PRKCH: variants seen among roughly 807,000 people sequenced by gnomAD.
PRKCH encodes protein kinase C eta type.
PRKCH carries 28 observed loss-of-function variants against 82.5 expected under a neutral mutation model. The ratio of observed to expected loss-of-function variants is 0.34; its 90% CI spans 0.25 to 0.47. PRKCH has a LOEUF of 0.47. Ranked by LOEUF, PRKCH falls within the 20% of genes least tolerant of loss-of-function variation. The pLI is 1.00. For missense variants in PRKCH, 705 were observed against 881.8 expected (o/e 0.80, Z 2.54); for synonymous variants, 322 against 327.4 (o/e 0.98, Z 0.18).
At chr14:61,502,297 G>A (rs964649757) in intron 10 of PRKCH, among the ~76,000 whole-genome samples, 2 of 151,954 alleles carry the variant, frequency 1.3e-5, no homozygotes, top group Middle Eastern at 3.4e-3. Flanking sequence ...TCCTGACCTC[G>A]TGATCCGCAC....
chr14:61,372,579 T>C (rs1194060891), intron 1 of PRKCH, among the ~76,000 whole-genome samples: 1 of 152,092 alleles, frequency 6.6e-6, no homozygotes, highest in African/African-American at 2.4e-5. Flanking sequence ...AAGAACTTTA[T>C]TGGCTAGAGT....
intron 6 of PRKCH, among the ~76,000 whole-genome samples, chr14:61,452,385 A>G (rs947156493): frequency 2.6e-5 from 4 of 152,094 alleles, no homozygotes; most frequent in African/African-American, 7.3e-5. Context: ...GTGTGCTTCC[A>G]AGATGGACTG....
chr14:61,249,953 T>C (rs1446713561), intron 1 of PRKCH, among the ~76,000 whole-genome samples: 1 of 151,072 alleles, frequency 6.6e-6, no homozygotes, highest in Admixed American at 6.6e-5. Context: ...TATTGAAAAC[T>C]TATGTCCACA....
chr14:61,536,317 G>C (rs920961931), intron 12 of PRKCH, among the ~76,000 whole-genome samples: 7 of 152,180 alleles, frequency 4.6e-5, no homozygotes, highest in African/African-American at 1.7e-4. Context: ...CCCCAAAGAA[G>C]CATTTTTAAC....
In PRKCH at chr14:61,282,323, T is replaced by C. The variant is rs1432396590; in HGVS notation, c.-19+94655T>C. 5.3e-5 allele frequency among the ~76,000 whole-genome samples: 8 copies of C among 152,004 alleles called. No homozygotes were observed. The East Asian group carries it at 1.4e-3, about 26-fold the overall frequency. On this transcript the variant is annotated intron_variant, in intron 1 of 3. Transcript: ENST00000555185. ...TTGGTAAAACATATACAAGGGGGTA[T>C]TGGGACGTTCTGATTTCTTACTAAA... is the stretch of plus-strand genomic sequence containing the variant.
At chr14:61,393,882 T>G (rs1439734388) in intron 2 of PRKCH, among the ~76,000 whole-genome samples, 1 of 152,262 alleles carries the variant, frequency 6.6e-6, no homozygotes, top group East Asian at 1.9e-4. Context: ...GCGGTTTCCC[T>G]CCTTCACGTG....
At chr14:61,439,953 G>T (rs1012594790) in intron 2 of PRKCH, among the ~76,000 whole-genome samples, 5 of 152,208 alleles carry the variant, frequency 3.3e-5, no homozygotes, top group Admixed American at 6.5e-5. Flanking sequence ...AAGTGGGCTG[G>T]TCTTTTAACC....
At chr14:61,535,708 A>G (rs1160729713) in intron 12 of PRKCH, among the ~76,000 whole-genome samples, 2 of 152,248 alleles carry the variant, frequency 1.3e-5, no homozygotes, top group Admixed American at 6.5e-5. Flanking sequence ...GAGTGATGCA[A>G]TCACTACTTC....
At chr14:61,222,082 C>T (rs1002106348) in intron 1 of PRKCH, among the ~76,000 whole-genome samples, 2 of 152,308 alleles carry the variant, frequency 1.3e-5, no homozygotes, top group Admixed American at 6.5e-5. Flanking sequence ...AGTGCTGACG[C>T]CTGCCTTCTG....
In PRKCH at chr14:61,351,385, G is replaced by A. The variant is rs150223864; in HGVS notation, c.363+28921G>A. 2.7e-4 allele frequency among the ~76,000 whole-genome samples: 41 copies of A among 152,296 alleles called. No homozygotes were observed. The East Asian group carries it at 6.2e-3, about 23-fold the overall frequency. ...GGAGCCTGAGAGATGGGCGAGGAGTGCAGGTGGTGGTGTTAGGTGGTGGCA... is the reference window on the plus strand; with the variant it reads ...GGAGCCTGAGAGATGGGCGAGGAGTACAGGTGGTGGTGTTAGGTGGTGGCA... On this transcript the variant is annotated intron_variant, in intron 1 of 13. Transcript: ENST00000332981.
intron 10 of PRKCH, among the ~76,000 whole-genome samples, chr14:61,498,011 A>C (rs2139944195): frequency 6.6e-6 from 1 of 152,074 alleles, no homozygotes; most frequent in Admixed American, 6.5e-5. Context: ...AAAAAATGCC[A>C]TCCTATTTAT....
At chr14:61,413,194 A>C (rs1882360029) in intron 2 of PRKCH, among the ~76,000 whole-genome samples, 1 of 151,964 alleles carries the variant, frequency 6.6e-6, no homozygotes, top group Non-Finnish European at 1.5e-5. Context: ...TTGCCCAGAC[A>C]CTTTCTAATT....
At position 61,471,525 on chromosome 14, in the gene PRKCH, G is replaced by T. The variant is rs115855210; in HGVS notation, c.1278+13846G>T. On this transcript the variant is annotated intron_variant, in intron 9 of 13. Transcript: ENST00000332981. ...TCTGCTTTACCGGGCTAAAAAAAAT[G>T]ATCTTTATCACCAGTTGTAAGTGAC... 3.6e-3 allele frequency among the ~76,000 whole-genome samples: 546 copies of T among 151,756 alleles called. 5 individuals carry two copies. Among genetic ancestry groups the T allele is most frequent in the African/African-American group, 0.012 (492 of 41,346 alleles).
At chr14:61,282,670 T>A (rs74412885) in intron 1 of PRKCH, among the ~76,000 whole-genome samples, 4,234 of 152,216 alleles carry the variant, frequency 0.028, 109 homozygotes, top group East Asian at 0.067. Context: ...TAGGGTGTAA[T>A]CAAGTATCAA....
At chr14:61,256,385 T>G (rs2044997904) in intron 1 of PRKCH, among the ~76,000 whole-genome samples, 1 of 152,212 alleles carries the variant, frequency 6.6e-6, no homozygotes, top group Non-Finnish European at 1.5e-5. Context: ...GGAGTTGGTT[T>G]CTGAGCATAG....
At chr14:61,372,331 A>G (rs1409324488) in intron 1 of PRKCH, among the ~76,000 whole-genome samples, 1 of 152,108 alleles carries the variant, frequency 6.6e-6, no homozygotes, top group Non-Finnish European at 1.5e-5. Flanking sequence ...TCACCCTTGT[A>G]TATACACATA....
intron 1 of PRKCH, among the ~76,000 whole-genome samples, chr14:61,198,115 C>A (rs1207986873): frequency 6.6e-6 from 1 of 152,092 alleles, no homozygotes; most frequent in Admixed American, 6.5e-5. Context: ...CATCTATTGT[C>A]CATTTTAAGC....
intron 1 of PRKCH, among the ~76,000 whole-genome samples, chr14:61,383,509 A>T (rs2046541506): frequency 6.6e-6 from 1 of 152,080 alleles, no homozygotes. Flanking sequence ...GAATTTTGAG[A>T]CCGGAGGGAT....
intron 1 of PRKCH, among the ~76,000 whole-genome samples, chr14:61,256,124 C>T (rs2044995956): frequency 6.6e-6 from 1 of 152,124 alleles, no homozygotes; most frequent in Non-Finnish European, 1.5e-5. Context: ...AAATTTTGAG[C>T]ATGTCGCAAA....
Sources: gnomAD v4.1 joint callset for allele counts (sites outside exome capture counted in the v4.1 genomes callset) on GRCh38, gnomAD v4.1.1 for gene constraint, MANE v1.5 for transcripts, NCBI Gene and HGNC (gene_info 2026-07-23, HGNC 2026-07-21) for gene names.